KIRREL3: variants seen among roughly 807,000 people sequenced by gnomAD.
KIRREL3 encodes kin of IRRE-like protein 3.
KIRREL3 carries 36 observed loss-of-function variants against 89.7 expected under a neutral mutation model. The observed-to-expected ratio is 0.40, with a 90% CI of 0.31 to 0.53. KIRREL3 has a LOEUF of 0.53. Among genes scored for constraint, KIRREL3 ranks in the 20% least tolerant of loss-of-function variants. KIRREL3 has a pLI of 0.49. For synonymous variants in KIRREL3, 445 were observed against 441.4 expected, an observed-to-expected ratio of 1.01 and a Z score of -0.10; for missense variants, 864 against 1,056.6, an observed-to-expected ratio of 0.82 and a Z score of 2.53.
chr11:126,854,967 G>A (rs998777628), intron 1 of KIRREL3, among the ~76,000 whole-genome samples: 1 of 152,140 alleles, frequency 6.6e-6, no homozygotes, highest in Non-Finnish European at 1.5e-5. Flanking sequence ...TCTCTAAGTC[G>A]TGGCTGTGGT....
At chr11:126,621,686 A>T (rs1943581213) in intron 1 of KIRREL3, among the ~76,000 whole-genome samples, 1 of 152,246 alleles carries the variant, frequency 6.6e-6, no homozygotes, top group Admixed American at 6.5e-5. Context: ...TTACCAAGTG[A>T]TTAAATCATA....
rs754415334 is a variant in KIRREL3 at position 126,431,450 on chromosome 11, G to A, written c.1665C>T (p.Ile555=). 40 of 1,613,874 alleles carry A rather than the reference G, an allele frequency of 2.5e-5. No homozygotes were observed. The highest frequency in any genetic ancestry group is 3.3e-5 in the Admixed American group (2 of 59,994). Residue 555 remains isoleucine (I), a synonymous_variant, in exon 14 of 17, where the codon ATC becomes ATT. Coordinates refer to ENST00000525144, the MANE Select transcript of KIRREL3 (RefSeq NM_032531.4). This position sits in a 1 kb window ranked among gnomAD's most constrained non-coding sequence, Gnocchi z 7.1. ...GVAFLVLMAT[I]VAFCCARSQR... ...GGGAACGGGCACAGCAGAACGCCACGATGGTTGCCATAAGGACGAGGAAGG... is the reference window on the plus strand; with the variant it reads ...GGGAACGGGCACAGCAGAACGCCACAATGGTTGCCATAAGGACGAGGAAGG...
At chr11:126,749,322 C>T (rs772728750) in intron 1 of KIRREL3, among the ~76,000 whole-genome samples, 1 of 152,170 alleles carries the variant, frequency 6.6e-6, no homozygotes, top group Admixed American at 6.6e-5. Context: ...ATCTGCTAAT[C>T]CCTAGAACAT....
chr11:126,543,660 G>A (rs1448003590), intron 2 of KIRREL3, among the ~76,000 whole-genome samples: 2 of 152,162 alleles, frequency 1.3e-5, no homozygotes, highest in African/African-American at 4.8e-5. Flanking sequence ...ATGGGAAGCC[G>A]ATAGGACAGC....
In KIRREL3 at chr11:126,719,326, C is replaced by G. The variant is rs1169987095; in HGVS notation, c.56-156414G>C. ...TTTGAACGCCTTCTTCTCTTAGCCT[C>G]TGGGAGAGCAGTCTCTTACGGGTCT... On this transcript the variant is annotated intron_variant, in intron 1 of 16. Transcript: ENST00000525144. This position sits in a 1 kb window ranked among gnomAD's most constrained non-coding sequence, Gnocchi z 4.7. Among the ~76,000 whole-genome samples, 1 of 152,212 alleles carries G rather than the reference C, an allele frequency of 6.6e-6. No homozygotes were observed. The highest frequency in any genetic ancestry group is 1.5e-5 in the Non-Finnish European group (1 of 68,046).
At chr11:126,506,595 G>A (rs993771745) in intron 4 of KIRREL3, among the ~76,000 whole-genome samples, 1 of 152,170 alleles carries the variant, frequency 6.6e-6, no homozygotes. Context: ...AGAGAAACTG[G>A]AATGCTCATT....
chr11:126,597,677 G>T (rs1291858853), intron 1 of KIRREL3, among the ~76,000 whole-genome samples: 1 of 152,182 alleles, frequency 6.6e-6, no homozygotes, highest in East Asian at 1.9e-4. Flanking sequence ...AGAGGATTGT[G>T]GAGCCTCTTG....
Position 126,441,044 on chromosome 11 carries a change from C to A in KIRREL3, c.1253-495G>T, listed in dbSNP as rs2134178141. ...CCTTGCCTAACAAATGGGAGCTGCT[C>A]GGCCAGACGGGCCAACGGGAAGAAA... On this transcript the variant is annotated intron_variant, in intron 10 of 16. Coordinates refer to ENST00000525144, the MANE Select transcript of KIRREL3 (RefSeq NM_032531.4). The surrounding 1 kb of genome is among the most constrained non-coding windows in gnomAD (Gnocchi z 5.0). 6.6e-6 allele frequency among the ~76,000 whole-genome samples: 1 copy of A among 152,336 alleles called. No homozygotes were observed. The highest frequency in any genetic ancestry group is 2.1e-4 in the South Asian group (1 of 4,828).
Position 126,689,094 on chromosome 11 carries a change from C to T in KIRREL3, c.56-126182G>A, listed in dbSNP as rs143027327. The stretch of plus-strand genomic sequence containing the variant: ...AGAGAGAGAGAGAGTATTGTAATAA[C>T]GTATTGAGCATGAGCTGCCTGATCT... On this transcript the variant is annotated intron_variant, in intron 1 of 16. Coordinates refer to ENST00000525144, the MANE Select transcript of KIRREL3 (RefSeq NM_032531.4). This position sits in a 1 kb window ranked among gnomAD's most constrained non-coding sequence, Gnocchi z 5.2. Among the ~76,000 whole-genome samples the T allele has an allele frequency of 4.9e-5, 7 of 143,718 alleles. No homozygotes were observed. Among genetic ancestry groups the T allele is most frequent in the East Asian group, 2.1e-4 (1 of 4,684 alleles). The allele number at this position is 143,718 out of a possible 152,430, so 94.3% of individuals were successfully genotyped here.
chr11:126,852,255 T>C (rs1457690787), intron 1 of KIRREL3, among the ~76,000 whole-genome samples: 1 of 152,034 alleles, frequency 6.6e-6, no homozygotes, highest in East Asian at 1.9e-4. Flanking sequence ...GGTTTCACAA[T>C]GTTGGCCAGG....
intron 8 of KIRREL3, among the ~76,000 whole-genome samples, chr11:126,447,358 A>G (rs1420154526): frequency 6.6e-6 from 1 of 152,076 alleles, no homozygotes; most frequent in African/African-American, 2.4e-5. Context: ...CATCTCCTCC[A>G]GCCTCAGCCT....
At chr11:126,741,062 A>G (rs1027754459) in intron 1 of KIRREL3, among the ~76,000 whole-genome samples, 2 of 152,180 alleles carry the variant, frequency 1.3e-5, no homozygotes, top group African/African-American at 4.8e-5. Context: ...GGCATTACAT[A>G]ACACAGGCCA....
rs545172835 is a variant in KIRREL3, at chr11:126,532,464, C to G, written c.134-5777G>C. 3.1e-4 allele frequency among the ~76,000 whole-genome samples: 47 copies of G among 152,296 alleles called. 1 individual carries two copies. Among genetic ancestry groups the G allele is most frequent in the African/African-American group, 9.9e-4 (41 of 41,570 alleles). Reference sequence around the variant, plus strand: ...GTTCTCGGCTCACTGCAACCTCCCCCTCCTGGGTTCAAGGGATTCTCCTGC... The same window carrying G: ...GTTCTCGGCTCACTGCAACCTCCCCGTCCTGGGTTCAAGGGATTCTCCTGC... On this transcript the variant is annotated intron_variant, in intron 2 of 16. Coordinates refer to ENST00000525144, the MANE Select transcript of KIRREL3 (RefSeq NM_032531.4).
intron 1 of KIRREL3, among the ~76,000 whole-genome samples, chr11:126,657,735 C>T (rs984142144): frequency 2.0e-5 from 3 of 152,146 alleles, no homozygotes; most frequent in African/African-American, 7.2e-5. Flanking sequence ...TCTGGGTGGA[C>T]CTGCGCAACT....
At chr11:126,650,778 G>A (rs1414905980) in intron 1 of KIRREL3, among the ~76,000 whole-genome samples, 1 of 152,072 alleles carries the variant, frequency 6.6e-6, no homozygotes, top group Non-Finnish European at 1.5e-5. Context: ...ACATCTTTGG[G>A]TATCTTTTTA....
chr11:126,603,022 C>A (rs1942730793), intron 1 of KIRREL3, among the ~76,000 whole-genome samples: 1 of 152,112 alleles, frequency 6.6e-6, no homozygotes, highest in Admixed American at 6.5e-5. Context: ...CTAGCTCAGA[C>A]CAAGGAACCC....
chr11:126,801,005 A>G (rs1951015370), intron 1 of KIRREL3, among the ~76,000 whole-genome samples: 1 of 152,162 alleles, frequency 6.6e-6, no homozygotes, highest in African/African-American at 2.4e-5. Context: ...TTAGCAGCTG[A>G]TATTTGTGGT....
chr11:126,916,577 C>T (rs1165578986), intron 1 of KIRREL3, among the ~76,000 whole-genome samples: 1 of 152,016 alleles, frequency 6.6e-6, no homozygotes, highest in Non-Finnish European at 1.5e-5. Context: ...CTCAACTGAT[C>T]GGTACAGAAA....
rs1314755578 is a variant in KIRREL3, at chr11:126,905,448, T to C, written c.55+95007A>G. 2.0e-5 allele frequency among the ~76,000 whole-genome samples: 3 copies of C among 152,112 alleles called. No individual in the cohort carries two copies. Among genetic ancestry groups the C allele is most frequent in the Non-Finnish European group, 2.9e-5 (2 of 68,014 alleles). ...ACTTGGCAGAGGGCTACACATTAGG[T>C]AGGTCCTTCCATAATGTCTTTCTCA... On this transcript the variant is annotated intron_variant, in intron 1 of 16. Transcript: ENST00000525144. The surrounding 1 kb of genome is among the most constrained non-coding windows in gnomAD (Gnocchi z 5.0).
Sources: allele counts gnomAD v4.1 joint callset (sites outside exome capture counted in the v4.1 genomes callset), GRCh38; gene constraint gnomAD v4.1.1; non-coding constraint Gnocchi (gnomAD v3.1); transcripts MANE v1.5; gene names NCBI Gene and HGNC (gene_info 2026-07-23, HGNC 2026-07-21).